Variants in EXOC4 observed in about 807,000 individuals in gnomAD.
EXOC4 encodes the protein exocyst complex component 4.
A neutral mutation model predicts 107.2 loss-of-function variants in EXOC4; 71 were observed. The ratio of observed to expected loss-of-function variants is 0.66; its 90% confidence interval spans 0.55 to 0.81. The LOEUF (loss-of-function observed/expected upper bound fraction) is 0.81, where lower values mean the gene tolerates loss of function less well. Ranked by LOEUF, EXOC4 falls within the 30% of genes least tolerant of loss-of-function variation. EXOC4 has a pLI of 0.00. For missense variants in EXOC4, 1,108 were observed against 1,189.6 expected (o/e 0.93, Z 1.01); for synonymous variants, 456 against 441.2 (o/e 1.03, Z -0.42).
chr7:133,912,269 C>T (rs947188390), intron 12 of EXOC4, among the ~76,000 whole-genome samples: 4 of 152,132 alleles, frequency 2.6e-5, no homozygotes, highest in African/African-American at 9.7e-5. Flanking sequence ...ACAAATTCTT[C>T]ACAGAGAAAG....
chr7:133,841,201 G>T (rs1798018197), intron 11 of EXOC4, among the ~76,000 whole-genome samples: 1 of 152,110 alleles, frequency 6.6e-6, no homozygotes, highest in African/African-American at 2.4e-5. Flanking sequence ...TTTCATGAGG[G>T]CACTAATCCC....
chr7:133,650,803 A>G (rs1209423333), intron 10 of EXOC4, among the ~76,000 whole-genome samples: 1 of 152,196 alleles, frequency 6.6e-6, no homozygotes, highest in African/African-American at 2.4e-5. Context: ...AATAACTGCA[A>G]TGGAAGAAAT....
At chr7:133,409,793 T>C (rs1280248952) in intron 7 of EXOC4, among the ~76,000 whole-genome samples, 1 of 152,194 alleles carries the variant, frequency 6.6e-6, no homozygotes, top group Admixed American at 6.5e-5. Context: ...CTCCTCTTCA[T>C]AGCTCTGAGT....
chr7:133,695,935 GTTTTAT>G (rs1272776121), intron 10 of EXOC4, among the ~76,000 whole-genome samples: 1 of 152,148 alleles, frequency 6.6e-6, no homozygotes, highest in East Asian at 1.9e-4. Flanking sequence ...TTGAAATAAT[GTTTTAT>G]TATATGAAGA....
intron 9 of EXOC4, among the ~76,000 whole-genome samples, chr7:133,588,065 C>T (rs1801448079): frequency 6.6e-6 from 1 of 152,146 alleles, no homozygotes; most frequent in African/African-American, 2.4e-5. Context: ...AGACATACTT[C>T]TTTGTATTCT....
At chr7:133,749,057 A>T (rs531592123) in intron 10 of EXOC4, among the ~76,000 whole-genome samples, 27 of 152,200 alleles carry the variant, frequency 1.8e-4, no homozygotes, top group Non-Finnish European at 2.9e-5. Flanking sequence ...TAGGCTCAGG[A>T]GCCTGGACAG....
chr7:133,456,777 G>C (rs573313432), intron 7 of EXOC4, among the ~76,000 whole-genome samples: 1 of 152,304 alleles, frequency 6.6e-6, no homozygotes, highest in South Asian at 2.1e-4. Flanking sequence ...TCACCTAGGT[G>C]ACGAAGATAC....
At chr7:133,706,831 T>C (rs1202178118) in intron 10 of EXOC4, among the ~76,000 whole-genome samples, 2 of 152,126 alleles carry the variant, frequency 1.3e-5, no homozygotes, top group African/African-American at 4.8e-5. Flanking sequence ...CTCTTCTTCT[T>C]TGCTTAAGGG....
intron 1 of EXOC4, among the ~76,000 whole-genome samples, chr7:133,267,808 A>G (rs1332865042): frequency 6.6e-6 from 1 of 152,186 alleles, no homozygotes; most frequent in Non-Finnish European, 1.5e-5. Context: ...TTTAGTTGCA[A>G]TTGTTTCTTA....
At chr7:133,338,842 T>C (rs1304161842) in intron 5 of EXOC4, among the ~76,000 whole-genome samples, 3 of 149,824 alleles carry the variant, frequency 2.0e-5, no homozygotes, top group Admixed American at 6.7e-5. Context: ...CAACCTCTGC[T>C]TCCCGGTTCA....
chr7:134,007,451 G>A (rs1794667232), intron 16 of EXOC4, among the ~76,000 whole-genome samples: 2 of 152,174 alleles, frequency 1.3e-5, no homozygotes. Context: ...CTATTACCAG[G>A]CTTTGCCACC....
In EXOC4 at chr7:133,291,379, T is replaced by C. The variant is rs534062234; in HGVS notation, c.471+2263T>C. 1.9e-3 allele frequency among the ~76,000 whole-genome samples: 283 copies of C among 151,810 alleles called. 2 individuals are homozygous for C. The highest frequency in any genetic ancestry group is 6.1e-3 in the African/African-American group (254 of 41,416). Reference sequence around the variant, plus strand: ...CTCAATTTCTCAGTATTTTTTGTTATGTGATTTTTTTTTTTTTTTTTTGAG... The same window carrying C: ...CTCAATTTCTCAGTATTTTTTGTTACGTGATTTTTTTTTTTTTTTTTTGAG... On this transcript the variant is annotated intron_variant, in intron 3 of 17. Coordinates refer to ENST00000253861, the MANE Select transcript of EXOC4 (RefSeq NM_021807.4).
intron 14 of EXOC4, among the ~76,000 whole-genome samples, chr7:133,955,962 C>A (rs1390447434): frequency 6.6e-6 from 1 of 152,176 alleles, no homozygotes; most frequent in African/African-American, 2.4e-5. Context: ...GCTTCCCAGG[C>A]CCCTGAGAGT....
chr7:134,098,296 A>T, the EXOC4 span, among the ~76,000 whole-genome samples: 1 of 152,196 alleles, frequency 6.6e-6, no homozygotes, highest in African/African-American at 2.4e-5. Flanking sequence ...CGGTGACATC[A>T]GAAAGGTCCT....
At chr7:133,847,859 C>T (rs1445869206) in intron 11 of EXOC4, among the ~76,000 whole-genome samples, 1 of 149,374 alleles carries the variant, frequency 6.7e-6, no homozygotes, top group East Asian at 2.0e-4. Context: ...CAGGCACCTG[C>T]CACCATGCCC....
intron 7 of EXOC4, among the ~76,000 whole-genome samples, chr7:133,392,917 C>T (rs1796885267): frequency 6.6e-6 from 1 of 152,162 alleles, no homozygotes; most frequent in Non-Finnish European, 1.5e-5. Context: ...GCTTGGCATT[C>T]AAATACCTGT....
chr7:133,591,421 T>C (rs1195594889), intron 9 of EXOC4, among the ~76,000 whole-genome samples: 3 of 152,178 alleles, frequency 2.0e-5, no homozygotes, highest in Non-Finnish European at 4.4e-5. Context: ...TGATGTTTTA[T>C]CCTTTTTAGT....
chr7:133,781,552 C>A (rs1171992768), intron 10 of EXOC4, among the ~76,000 whole-genome samples: 2 of 152,150 alleles, frequency 1.3e-5, no homozygotes, highest in African/African-American at 4.8e-5. Flanking sequence ...ATGCACAGAC[C>A]CTGTACAATC....
the EXOC4 span, among the ~76,000 whole-genome samples, chr7:134,072,687 T>G: frequency 1.1e-4 from 16 of 152,222 alleles, no homozygotes; most frequent in Admixed American, 7.2e-4. Flanking sequence ...TTACAAGTGC[T>G]TAAAAATGCC....
Sources: allele counts gnomAD v4.1 joint callset (sites outside exome capture counted in the v4.1 genomes callset), GRCh38; gene constraint gnomAD v4.1.1; transcripts MANE v1.5; gene names NCBI Gene and HGNC (gene_info 2026-07-23, HGNC 2026-07-21).